The following PKNOX2 variants were observed in gnomAD, a reference collection of about 807,000 sequenced individuals.
PKNOX2 encodes PBX/knotted 1 homeobox 2, also known as homeobox protein PKNOX2.
PKNOX2 carries 14 observed loss-of-function variants against 53.1 expected under a neutral mutation model. That is an observed-to-expected ratio of 0.26 (90% CI 0.17 to 0.41). PKNOX2 has a LOEUF of 0.41. Ranked by LOEUF, PKNOX2 falls within the 10% of genes least tolerant of loss-of-function variation. PKNOX2 has a pLI of 1.00. For synonymous variants in PKNOX2, 257 were observed against 242.8 expected (o/e 1.06, Z -0.54); for missense variants, 496 against 602.8 (o/e 0.82, Z 1.85).
chr11:125,234,174 G>A (rs1942473503), intron 1 of PKNOX2, among the ~76,000 whole-genome samples: 1 of 152,128 alleles, frequency 6.6e-6, no homozygotes, highest in African/African-American at 2.4e-5. Context: ...ACTCCCTTGA[G>A]TGCCGCGACT....
chr11:125,243,648 G>T (rs1200601115), intron 2 of PKNOX2, among the ~76,000 whole-genome samples: 1 of 149,436 alleles, frequency 6.7e-6, no homozygotes, highest in Non-Finnish European at 1.5e-5. Context: ...TTTGAGATAG[G>T]GTCTCGCTCT....
At chr11:125,244,912 TG>T (rs1021530055) in intron 2 of PKNOX2, among the ~76,000 whole-genome samples, 16 of 152,288 alleles carry the variant, frequency 1.1e-4, no homozygotes, top group African/African-American at 3.9e-4. Flanking sequence ...GGAGACCACG[TG>T]GTGGGTGGTG....
intron 10 of PKNOX2, among the ~76,000 whole-genome samples, chr11:125,414,670 A>C (rs1955775409): frequency 6.6e-6 from 1 of 152,070 alleles, no homozygotes; most frequent in Non-Finnish European, 1.5e-5. Context: ...AGAAGACAGG[A>C]TTTGAAGCCA....
At chr11:125,313,430 G>T (rs1262150914) in intron 2 of PKNOX2, among the ~76,000 whole-genome samples, 1 of 152,224 alleles carries the variant, frequency 6.6e-6, no homozygotes, top group Non-Finnish European at 1.5e-5. Flanking sequence ...CTTGAGGGCA[G>T]AAACCAGGTC....
chr11:125,326,465 G>A (rs1949825251), intron 2 of PKNOX2, among the ~76,000 whole-genome samples: 1 of 152,246 alleles, frequency 6.6e-6, no homozygotes, highest in South Asian at 2.1e-4. Flanking sequence ...GGCTGATTAT[G>A]AAGGGGAAGA....
chr11:125,320,266 C>T (rs1047690691), intron 2 of PKNOX2, among the ~76,000 whole-genome samples: 6 of 152,152 alleles, frequency 3.9e-5, no homozygotes, highest in African/African-American at 7.2e-5. Context: ...CTTGAATTAG[C>T]ACCCCTCCTT....
chr11:125,222,095 C>T (rs548112030), intron 1 of PKNOX2, among the ~76,000 whole-genome samples: 4 of 152,296 alleles, frequency 2.6e-5, no homozygotes, highest in South Asian at 4.1e-4. Context: ...TTGAACAAAG[C>T]TGGGAACTTG....
chr11:125,263,808 T>C (rs11822514), intron 2 of PKNOX2, among the ~76,000 whole-genome samples: 58,700 of 151,704 alleles, frequency 0.39, 12,281 homozygotes, highest in African/African-American at 0.55. Context: ...CTGGCCAGCT[T>C]GGCCCAGTTG....
intron 1 of PKNOX2, among the ~76,000 whole-genome samples, chr11:125,217,182 G>A (rs1285628578): frequency 6.6e-6 from 1 of 152,070 alleles, no homozygotes; most frequent in Non-Finnish European, 1.5e-5. Context: ...GGTGATATGA[G>A]AGAAGCCTTT....
chr11:125,212,222 T>C (rs1939924065), intron 1 of PKNOX2, among the ~76,000 whole-genome samples: 1 of 152,032 alleles, frequency 6.6e-6, no homozygotes, highest in Non-Finnish European at 1.5e-5. Context: ...AAGCAGGAGA[T>C]CAGTCTAGAA....
At chr11:125,312,983 A>AG (rs1237691476) in intron 2 of PKNOX2, among the ~76,000 whole-genome samples, 3 of 152,186 alleles carry the variant, frequency 2.0e-5, no homozygotes, top group Admixed American at 6.5e-5. Flanking sequence ...TGTGAAAGGC[A>AG]GGGGGGAGGC....
At chr11:125,394,626 T>C (rs1238788168) in intron 6 of PKNOX2, among the ~76,000 whole-genome samples, 2 of 152,242 alleles carry the variant, frequency 1.3e-5, no homozygotes, top group Non-Finnish European at 2.9e-5. Flanking sequence ...ACAGTCACAA[T>C]TCTCTGGGAG....
At chr11:125,237,210 C>T (rs553133575) in intron 2 of PKNOX2, among the ~76,000 whole-genome samples, 79 of 152,308 alleles carry the variant, frequency 5.2e-4, no homozygotes, top group South Asian at 1.7e-3. Flanking sequence ...CACAATATGG[C>T]AGCTTGATTC....
intron 3 of PKNOX2, among the ~76,000 whole-genome samples, chr11:125,336,123 T>C (rs1950421648): frequency 6.6e-6 from 1 of 152,218 alleles, no homozygotes; most frequent in Non-Finnish European, 1.5e-5. Context: ...ATTATATAGA[T>C]GCATAATTAT....
chr11:125,433,146 A>T lies in PKNOX2; in HGVS notation c.*1754A>T, dbSNP rs1033950163. 10 of 152,640 alleles carry T rather than the reference A, an allele frequency of 6.6e-5. No homozygotes were observed. Among genetic ancestry groups the T allele is most frequent in the Admixed American group, 3.9e-4 (6 of 15,282 alleles). The allele number at this position is 152,640 out of a possible 1,614,324, so 9.5% of individuals were successfully genotyped here. ...CTTTTGCAATGTGCAGTGGGATAAA[A>T]TGCATTTCCTTTTCTGGTTCGTTTT... On this transcript the variant is annotated 3_prime_UTR_variant, in exon 13 of 13. Coordinates refer to ENST00000298282, the MANE Select transcript of PKNOX2 (RefSeq NM_001382323.2).
At position 125,411,785 on chromosome 11, in the gene PKNOX2, A is replaced by C. The variant is rs1227499673; in HGVS notation, c.856A>C (p.Lys286Gln). 1 of 1,614,174 alleles carries C rather than the reference A, an allele frequency of 6.2e-7. No individual in the cohort carries two copies. The highest frequency in any genetic ancestry group is 1.1e-5 in the South Asian group (1 of 91,078). Residue 286 changes from lysine (K) to glutamine (Q), a missense_variant, in exon 10 of 13, where the codon AAG becomes CAG. Coordinates refer to ENST00000298282, the MANE Select transcript of PKNOX2 (RefSeq NM_001382323.2). ...CACCTCCCTCCTGGACAATGAGGATAAGAAGTCCAAGAACAAACGAGGAGT... is the reference window on the plus strand; with the variant it reads ...CACCTCCCTCCTGGACAATGAGGATCAGAAGTCCAAGAACAAACGAGGAGT... ...DLTSLLDNED[K>Q]KSKNKRGVLP...
At chr11:125,341,340 A>T (rs930832900) in intron 3 of PKNOX2, among the ~76,000 whole-genome samples, 1 of 151,808 alleles carries the variant, frequency 6.6e-6, no homozygotes, top group African/African-American at 2.4e-5. Flanking sequence ...CAGCTTGGTG[A>T]CAGAGCAAGA....
At chr11:125,194,877 GATA>G (rs1957093072) in intron 1 of PKNOX2, among the ~76,000 whole-genome samples, 1 of 152,166 alleles carries the variant, frequency 6.6e-6, no homozygotes, top group Non-Finnish European at 1.5e-5. Flanking sequence ...AAACCCTCCA[GATA>G]ATAATAACTA....
At chr11:125,315,640 T>G (rs1274845701) in intron 2 of PKNOX2, among the ~76,000 whole-genome samples, 1 of 152,178 alleles carries the variant, frequency 6.6e-6, no homozygotes, top group Non-Finnish European at 1.5e-5. Flanking sequence ...GCTAATGGTG[T>G]GTCTCTCACC....
Sources: gnomAD v4.1 joint callset for allele counts (sites outside exome capture counted in the v4.1 genomes callset) on GRCh38, gnomAD v4.1.1 for gene constraint, MANE v1.5 for transcripts, NCBI Gene and HGNC (gene_info 2026-07-23, HGNC 2026-07-21) for gene names.